The following COL28A1 variants were observed in gnomAD, a reference collection of about 807,000 sequenced individuals.
COL28A1 encodes collagen type XXVIII alpha 1 chain, also known as collagen alpha-1(XXVIII) chain.
COL28A1 carries 161 observed loss-of-function variants against 150.2 expected under a neutral mutation model. The ratio of observed to expected loss-of-function variants is 1.07; its 90% CI spans 0.94 to 1.22. The LOEUF (loss-of-function observed/expected upper bound fraction) is 1.22, where lower values mean the gene tolerates loss of function less well. Among genes scored for constraint, COL28A1 ranks in the 50% most tolerant of loss-of-function variants. The pLI, the probability that COL28A1 is intolerant of heterozygous loss-of-function variation, is 0.00. For synonymous variants in COL28A1, 552 were observed against 469.7 expected, an observed-to-expected ratio of 1.18 and a Z score of -2.26; for missense variants, 1,617 against 1,388.3, an observed-to-expected ratio of 1.16 and a Z score of -2.62.
At chr7:7,380,173 C>T (rs1410618061) in intron 30 of COL28A1, among the ~76,000 whole-genome samples, 1 of 152,136 alleles carries the variant, frequency 6.6e-6, no homozygotes, top group Non-Finnish European at 1.5e-5. Flanking sequence ...GGGAGAAGAA[C>T]AGGGAAACGT....
chr7:7,424,402 G>A (rs1029255178), intron 25 of COL28A1, among the ~76,000 whole-genome samples: 2 of 152,080 alleles, frequency 1.3e-5, no homozygotes, highest in African/African-American at 4.8e-5. Context: ...GCCATTTGAC[G>A]GCACTGGTTT....
chr7:7,419,895 T>C lies in COL28A1; in HGVS notation c.2057A>G (p.Gln686Arg). The C allele has an allele frequency of 6.3e-7, 1 of 1,599,008 alleles. No individual in the cohort carries two copies. ...GAGCTGAGGACTCACCTTTGGCCCTTGGGTTCCTACGCCCCGAGGCCCAGA... is the reference window on the plus strand; with the variant it reads ...GAGCTGAGGACTCACCTTTGGCCCTCGGGTTCCTACGCCCCGAGGCCCAGA... Reference protein sequence around the residue: ...GPSGPRGVGTQGPKGDTGQKG... With the variant: ...GPSGPRGVGTRGPKGDTGQKG... The change falls in exon 26 of 35, where the codon CAA becomes CGA. Residue 686 changes from glutamine to arginine, a missense_variant. Physicochemically the swap from Gln to Arg is conservative, Grantham distance 43. Transcript: ENST00000399429.
At chr7:7,372,885 G>T (rs111892497) in intron 32 of COL28A1, 113 bp downstream of exon 32, 3 of 778,482 alleles carry the variant, frequency 3.9e-6, no homozygotes, top group South Asian at 3.5e-5. Context: ...TTTAATGTTG[G>T]CATAAGCCTT....
At chr7:7,423,377 A>G (rs552561357) in intron 25 of COL28A1, among the ~76,000 whole-genome samples, 3 of 152,358 alleles carry the variant, frequency 2.0e-5, no homozygotes, top group African/African-American at 7.2e-5. Flanking sequence ...CATAAACAAT[A>G]TCCAGCAAAA....
intron 7 of COL28A1, 147 bp downstream of exon 7, chr7:7,517,649 T>A: frequency 8.9e-7 from 1 of 1,125,048 alleles, no homozygotes; most frequent in Non-Finnish European, 1.3e-6. Context: ...TAAGATCATA[T>A]CTTTCTGATT....
At chr7:7,460,040 A>T (rs4543457) in intron 15 of COL28A1, among the ~76,000 whole-genome samples, 17,733 of 152,232 alleles carry the variant, frequency 0.12, 1,127 homozygotes, top group Middle Eastern at 0.21. Context: ...TTAAATACTC[A>T]ATCCTAAACT....
At chr7:7,406,728 G>A (rs1208173222) in intron 27 of COL28A1, among the ~76,000 whole-genome samples, 1 of 152,050 alleles carries the variant, frequency 6.6e-6, no homozygotes, top group Non-Finnish European at 1.5e-5. Context: ...TCAAAGGAGT[G>A]AATATTGTTT....
At chr7:7,507,049 A>C (rs1780848290) in intron 10 of COL28A1, 68 bp downstream of exon 10, 2 of 814,110 alleles carry the variant, frequency 2.5e-6, no homozygotes, top group Non-Finnish European at 4.3e-6. Context: ...GCAAGTGGGC[A>C]AGGGGATGGT....
the COL28A1 span, among the ~76,000 whole-genome samples, chr7:7,340,624 G>T: frequency 6.6e-6 from 1 of 152,072 alleles, no homozygotes; most frequent in Non-Finnish European, 1.5e-5. Flanking sequence ...CAAGCACTTT[G>T]TACTAGGAAT....
At chr7:7,491,297 G>A (rs935114280) in intron 11 of COL28A1, among the ~76,000 whole-genome samples, 6 of 152,150 alleles carry the variant, frequency 3.9e-5, no homozygotes, top group African/African-American at 7.2e-5. Context: ...TCTGACAAAC[G>A]AGATGTGAAG....
At chr7:7,437,512 T>C (rs1212131672) in intron 21 of COL28A1, 50 bp from the exon 22 acceptor site, 2 of 1,583,050 alleles carry the variant, frequency 1.3e-6, no homozygotes, top group Non-Finnish European at 1.7e-6. Flanking sequence ...AAAGCACATA[T>C]AGAGACAATA....
intron 25 of COL28A1, among the ~76,000 whole-genome samples, chr7:7,426,577 T>C (rs1226650142): frequency 1.3e-5 from 2 of 152,200 alleles, no homozygotes; most frequent in Admixed American, 6.6e-5. Flanking sequence ...AAAATAATTA[T>C]ACAAATGCTA....
intron 3 of COL28A1, among the ~76,000 whole-genome samples, chr7:7,530,387 C>A (rs10259911): frequency 0.021 from 3,221 of 152,166 alleles, 110 homozygotes; most frequent in African/African-American, 0.073. Flanking sequence ...AGAAAAAGAT[C>A]GAGGGATAAG....
intron 13 of COL28A1, among the ~76,000 whole-genome samples, chr7:7,479,279 A>C (rs963228518): frequency 1.3e-5 from 2 of 152,248 alleles, no homozygotes; most frequent in Non-Finnish European, 2.9e-5. Flanking sequence ...GCTACGAAGA[A>C]TAATACTCCC....
At position 7,419,892 on chromosome 7, in the gene COL28A1, C is replaced by T. The variant is rs372891867; in HGVS notation, c.2060G>A (p.Gly687Glu). ...ACTGAGCTGAGGACTCACCTTTGGC[C>T]CTTGGGTTCCTACGCCCCGAGGCCC... ...PSGPRGVGTQGPKGDTGQKGL... is the reference protein window; with the variant it reads ...PSGPRGVGTQEPKGDTGQKGL... Residue 687 changes from glycine to glutamate, a missense_variant, in exon 26 of 35, where the codon GGG (glycine) becomes GAG (glutamate). Gly to Glu is a moderately conservative substitution (Grantham distance 98). Coordinates refer to ENST00000399429, the MANE Select transcript of COL28A1 (RefSeq NM_001037763.3). 1.1e-5 allele frequency: 17 copies of T among 1,597,628 alleles called. No homozygotes were observed. In the African/African-American group the frequency reaches 1.2e-4, roughly 11 times the overall value.
intron 27 of COL28A1, among the ~76,000 whole-genome samples, chr7:7,416,516 C>T (rs976518161): frequency 1.3e-5 from 2 of 152,212 alleles, no homozygotes; most frequent in African/African-American, 4.8e-5. Flanking sequence ...ATTCCCTAAG[C>T]AAACTCATGC....
the COL28A1 span, among the ~76,000 whole-genome samples, chr7:7,541,620 T>C: frequency 3.9e-5 from 6 of 152,146 alleles, no homozygotes; most frequent in East Asian, 9.6e-4. Context: ...TAGAAAGACA[T>C]AGTGTGAGAG....
chr7:7,476,963 G>C (rs912425826), intron 14 of COL28A1, 149 bp downstream of exon 14: 2 of 573,670 alleles, frequency 3.5e-6, no homozygotes, highest in African/African-American at 3.7e-5. Flanking sequence ...CGCATTACAG[G>C]GAAATTTACA....
chr7:7,489,693 C>T (rs970478566), intron 12 of COL28A1, among the ~76,000 whole-genome samples: 63 of 152,252 alleles, frequency 4.1e-4, no homozygotes, highest in African/African-American at 1.5e-3. Context: ...TCAGTTTTCA[C>T]AAAATATTGT....
Sources: gnomAD v4.1 joint callset for allele counts (sites outside exome capture counted in the v4.1 genomes callset) on GRCh38, gnomAD v4.1.1 for gene constraint, MANE v1.5 for transcripts, NCBI Gene and HGNC (gene_info 2026-07-23, HGNC 2026-07-21) for gene names.